TAFA1: variants seen among roughly 807,000 people sequenced by gnomAD.
TAFA1 encodes the protein TAFA chemokine like family member 1, also known as chemokine-like protein TAFA-1.
Under a neutral mutation model 18.5 loss-of-function variants are expected in TAFA1, and 4 were observed. The observed-to-expected ratio is 0.22, with a 90% CI of 0.11 to 0.49. TAFA1 has a LOEUF of 0.49. Among genes scored for constraint, TAFA1 ranks in the 20% least tolerant of loss-of-function variants. The pLI, the probability that TAFA1 is intolerant of heterozygous loss-of-function variation, is 0.98. For missense variants in TAFA1, 147 were observed against 169.0 expected (o/e 0.87, Z 0.72); for synonymous variants, 56 against 55.2 (o/e 1.01, Z -0.06).
intron 2 of TAFA1, among the ~76,000 whole-genome samples, chr3:68,171,099 G>C (rs550253081): frequency 6.6e-6 from 1 of 152,286 alleles, no homozygotes; most frequent in African/African-American, 2.4e-5. Context: ...AATTCAGGTT[G>C]CTAGCAGCTG....
intron 2 of TAFA1, among the ~76,000 whole-genome samples, chr3:68,233,638 T>C (rs2066896350): frequency 6.6e-6 from 1 of 152,192 alleles, no homozygotes. Context: ...TAGGATTTTT[T>C]TTTCTATTTT....
chr3:68,310,143 A>T (rs940716197), intron 2 of TAFA1, among the ~76,000 whole-genome samples: 1 of 152,198 alleles, frequency 6.6e-6, no homozygotes, highest in African/African-American at 2.4e-5. Context: ...CTCATATTAG[A>T]TGTTACGTAA....
At chr3:67,999,287 C>CTGTGTGTGTG (rs796820506), upstream of TAFA1, among the ~76,000 whole-genome samples, 1,074 of 147,764 alleles carry the variant, frequency 7.3e-3, 21 homozygotes, top group African/African-American at 0.025. Flanking sequence ...CCCCCTCTCT[C>CTGTGTGTGTG]TGTGTGTGTG....
chr3:68,408,734 T>C (rs1398541225), intron 2 of TAFA1, among the ~76,000 whole-genome samples: 1 of 151,950 alleles, frequency 6.6e-6, no homozygotes, highest in Non-Finnish European at 1.5e-5. Flanking sequence ...CAAGATGTGG[T>C]CCCCCTGCCA....
chr3:68,112,720 A>T (rs2065275872), intron 2 of TAFA1, among the ~76,000 whole-genome samples: 1 of 152,288 alleles, frequency 6.6e-6, no homozygotes, highest in Non-Finnish European at 1.5e-5. Context: ...AATAGGTGAT[A>T]TTAGCAAGGT....
chr3:68,524,845 G>C (rs1469098342), intron 3 of TAFA1, among the ~76,000 whole-genome samples: 2 of 151,872 alleles, frequency 1.3e-5, no homozygotes, highest in African/African-American at 4.8e-5. Context: ...TAATTTTTTT[G>C]TATTTTTAGT....
intron 2 of TAFA1, among the ~76,000 whole-genome samples, chr3:68,176,585 G>C (rs760066818): frequency 5.9e-5 from 9 of 152,216 alleles, no homozygotes; most frequent in East Asian, 3.8e-4. Context: ...ATAGTGGGAA[G>C]TGCTATTACC....
intron 2 of TAFA1, among the ~76,000 whole-genome samples, chr3:68,126,071 C>T (rs760036971): frequency 1.2e-4 from 18 of 152,192 alleles, no homozygotes; most frequent in Admixed American, 5.2e-4. Context: ...TCTGCTCCTT[C>T]GCTCCTGTCT....
At chr3:68,477,062 G>A (rs190701362) in intron 3 of TAFA1, among the ~76,000 whole-genome samples, 1 of 152,132 alleles carries the variant, frequency 6.6e-6, no homozygotes, top group Non-Finnish European at 1.5e-5. Context: ...TATCTATCCT[G>A]ACTTCAACTG....
At chr3:68,231,914 A>AT (rs1481140485) in intron 2 of TAFA1, among the ~76,000 whole-genome samples, 1 of 151,876 alleles carries the variant, frequency 6.6e-6, no homozygotes, top group Admixed American at 6.6e-5. Context: ...AAAGCCATAC[A>AT]TTTTTTCCTT....
chr3:67,999,380 T>A (rs1051305970), upstream of TAFA1, among the ~76,000 whole-genome samples: 2 of 151,878 alleles, frequency 1.3e-5, no homozygotes, highest in Admixed American at 6.6e-5. Context: ...TATTCTAACA[T>A]CATCTATGCT....
intron 2 of TAFA1, among the ~76,000 whole-genome samples, chr3:68,086,812 T>C (rs540593337): frequency 1.3e-5 from 2 of 152,344 alleles, no homozygotes; most frequent in South Asian, 2.1e-4. Context: ...GCATTCTTTA[T>C]GCTAACAGAT....
intron 2 of TAFA1, among the ~76,000 whole-genome samples, chr3:68,368,631 T>C (rs568042631): frequency 1.3e-5 from 2 of 152,154 alleles, no homozygotes; most frequent in Non-Finnish European, 2.9e-5. Flanking sequence ...ATGATGATTC[T>C]ACTTATCTCC....
intron 3 of TAFA1, among the ~76,000 whole-genome samples, chr3:68,474,905 T>C (rs562853901): frequency 2.6e-4 from 39 of 152,290 alleles, no homozygotes; most frequent in Middle Eastern, 3.4e-3. Flanking sequence ...GTGGCTTTGT[T>C]TTTTTCAGAG....
chr3:68,188,651 G>A (rs955757072), intron 2 of TAFA1, among the ~76,000 whole-genome samples: 1 of 151,670 alleles, frequency 6.6e-6, no homozygotes, highest in Non-Finnish European at 1.5e-5. Flanking sequence ...GGCTTTTGCA[G>A]TTCAGTCTTT....
At position 68,362,515 on chromosome 3, in the gene TAFA1, T is replaced by C. The variant is rs114150001; in HGVS notation, c.119-54765T>C. Among the ~76,000 whole-genome samples, 349 of 152,284 alleles carry C rather than the reference T, an allele frequency of 2.3e-3. 5 individuals are homozygous for C. Among genetic ancestry groups the C allele is most frequent in the African/African-American group, 8.0e-3 (333 of 41,564 alleles). ...TTTATTGGTATGGTGTTTATGGACTTGATTTAATACATATCTATTGGACAC... is the reference window on the plus strand; with the variant it reads ...TTTATTGGTATGGTGTTTATGGACTCGATTTAATACATATCTATTGGACAC... On this transcript the variant is annotated intron_variant, in intron 2 of 4. Transcript: ENST00000478136.
chr3:68,028,200 T>A (rs1336756887), intron 2 of TAFA1, among the ~76,000 whole-genome samples: 1 of 151,926 alleles, frequency 6.6e-6, no homozygotes, highest in Non-Finnish European at 1.5e-5. Flanking sequence ...CCCAGGAAGG[T>A]GAGGCAGGAG....
chr3:68,428,648 G>GA (rs2071104969), intron 3 of TAFA1, among the ~76,000 whole-genome samples: 1 of 151,890 alleles, frequency 6.6e-6, no homozygotes, highest in Non-Finnish European at 1.5e-5. Context: ...TTTATGAAAT[G>GA]AAAAGCAAGT....
chr3:68,438,623 C>G (rs1261923105), intron 3 of TAFA1, among the ~76,000 whole-genome samples: 3 of 152,138 alleles, frequency 2.0e-5, no homozygotes, highest in African/African-American at 7.2e-5. Context: ...CACCTTTCCA[C>G]TCAGCATTGC....
Sources: allele counts gnomAD v4.1 joint callset (sites outside exome capture counted in the v4.1 genomes callset), GRCh38; gene constraint gnomAD v4.1.1; transcripts MANE v1.5; gene names NCBI Gene and HGNC (gene_info 2026-07-23, HGNC 2026-07-21).